SLC24A2: variants seen among roughly 807,000 people sequenced by gnomAD.
SLC24A2 encodes solute carrier family 24 member 2, also known as sodium/potassium/calcium exchanger 2.
A neutral mutation model predicts 62.0 loss-of-function variants in SLC24A2; 36 were observed. The observed-to-expected ratio is 0.58, with a 90% CI of 0.44 to 0.77. The LOEUF (loss-of-function observed/expected upper bound fraction) is 0.77, where lower values mean the gene tolerates loss of function less well. SLC24A2 is among the 30% of genes least tolerant of loss of function. The pLI is 0.00. For synonymous variants in SLC24A2, 358 were observed against 294.0 expected (o/e 1.22, Z -2.23); for missense variants, 846 against 817.9 (o/e 1.03, Z -0.42).
chr9:20,133,331 C>T, the SLC24A2 span, among the ~76,000 whole-genome samples: 2 of 152,172 alleles, frequency 1.3e-5, no homozygotes, highest in East Asian at 3.9e-4. Context: ...TTTGGTATAA[C>T]TGATTCTTTC....
At chr9:19,971,035 A>T in the SLC24A2 span, among the ~76,000 whole-genome samples, 1 of 152,218 alleles carries the variant, frequency 6.6e-6, no homozygotes, top group Non-Finnish European at 1.5e-5. Flanking sequence ...TCAATGGGAT[A>T]CTAACAAATG....
the SLC24A2 span, among the ~76,000 whole-genome samples, chr9:19,943,525 C>T: frequency 6.6e-6 from 1 of 152,226 alleles, no homozygotes; most frequent in East Asian, 1.9e-4. Flanking sequence ...ATATATACTG[C>T]TTTTGAGCCC....
chr9:20,285,098 G>C, the SLC24A2 span, among the ~76,000 whole-genome samples: 1 of 152,268 alleles, frequency 6.6e-6, no homozygotes, highest in Non-Finnish European at 1.5e-5. Context: ...GTGGGCAGGA[G>C]GTGGCACGTC....
At chr9:19,516,498 A>C (rs1008884596) in intron 10 of SLC24A2, 96 bp from the exon 11 acceptor site, 72 of 1,425,784 alleles carry the variant, frequency 5.0e-5, no homozygotes, top group Non-Finnish European at 6.7e-5. Flanking sequence ...TTACCTTCTC[A>C]GGAACTCTAA....
the SLC24A2 span, among the ~76,000 whole-genome samples, chr9:19,798,598 C>CCACACACACA: frequency 3.3e-3 from 485 of 146,546 alleles, 3 homozygotes; most frequent in African/African-American, 0.01. Flanking sequence ...ATCCTTTATA[C>CCACACACACA]CACACACACA....
the SLC24A2 span, among the ~76,000 whole-genome samples, chr9:20,005,293 G>A: frequency 6.6e-6 from 1 of 151,968 alleles, no homozygotes; most frequent in African/African-American, 2.4e-5. Context: ...GCAAGAACTG[G>A]GGCAAAGATG....
chr9:20,008,941 C>G, the SLC24A2 span, among the ~76,000 whole-genome samples: 6 of 152,168 alleles, frequency 3.9e-5, no homozygotes. Context: ...GGCAAGAATA[C>G]CATCCTGAAT....
chr9:19,725,192 C>T (rs774676336), intron 2 of SLC24A2, among the ~76,000 whole-genome samples: 14 of 152,228 alleles, frequency 9.2e-5, no homozygotes, highest in Admixed American at 2.0e-4. Context: ...CCAGAGATAC[C>T]GCTAAAGATC....
the SLC24A2 span, among the ~76,000 whole-genome samples, chr9:20,232,211 C>T: frequency 1.3e-5 from 2 of 152,132 alleles, no homozygotes; most frequent in African/African-American, 4.8e-5. Context: ...TTGGTTGTGT[C>T]TCTGCCAGGC....
the SLC24A2 span, among the ~76,000 whole-genome samples, chr9:20,267,121 C>T: frequency 2.0e-5 from 3 of 150,704 alleles, no homozygotes; most frequent in African/African-American, 4.9e-5. Flanking sequence ...AAACAGAATA[C>T]TTTTGAAACA....
At chr9:20,112,096 A>G in the SLC24A2 span, among the ~76,000 whole-genome samples, 2 of 152,196 alleles carry the variant, frequency 1.3e-5, no homozygotes, top group African/African-American at 4.8e-5. Context: ...ATTGCATAAA[A>G]TTATTGGTAA....
At chr9:20,164,080 T>G in the SLC24A2 span, among the ~76,000 whole-genome samples, 3 of 152,124 alleles carry the variant, frequency 2.0e-5, no homozygotes, top group Admixed American at 6.6e-5. Context: ...GGGCAAGGAC[T>G]TCATGTCTAA....
intron 4 of SLC24A2, among the ~76,000 whole-genome samples, chr9:19,606,547 C>T (rs1391029880): frequency 1.3e-5 from 2 of 152,206 alleles, no homozygotes; most frequent in East Asian, 3.8e-4. Context: ...AGAGTCTTGT[C>T]TACAGTGGGG....
the SLC24A2 span, among the ~76,000 whole-genome samples, chr9:20,289,875 A>AT: frequency 4.6e-3 from 699 of 152,196 alleles, 11 homozygotes; most frequent in African/African-American, 0.016. Context: ...AAAAATTGGA[A>AT]TTTTTTCCTA....
chr9:20,054,012 C>T, the SLC24A2 span, among the ~76,000 whole-genome samples: 1 of 152,150 alleles, frequency 6.6e-6, no homozygotes, highest in Non-Finnish European at 1.5e-5. Context: ...ATGGAATCCC[C>T]AGAGTCTGAG....
At chr9:20,109,487 T>G in the SLC24A2 span, among the ~76,000 whole-genome samples, 2 of 152,184 alleles carry the variant, frequency 1.3e-5, no homozygotes, top group Non-Finnish European at 2.9e-5. Flanking sequence ...CAAGCTTTAG[T>G]ATATGCTAAG....
In SLC24A2 at chr9:19,788,915, G is replaced by C. The variant is rs997132837; in HGVS notation, c.-184C>G. The C allele has an allele frequency of 2.0e-6, 2 of 985,012 alleles. No individual in the cohort carries two copies. Among genetic ancestry groups the C allele is most frequent in the African/African-American group, 3.5e-5 (2 of 57,242 alleles). The allele number at this position is 985,012 out of a possible 1,614,324, so 61.0% of individuals were successfully genotyped here. A position where few individuals can be genotyped will look rare whatever the true frequency, so the allele number is the denominator to read the frequency against. The stretch of plus-strand genomic sequence containing the variant: ...TAAGATGGGAGGACGCGCACACGGC[G>C]GGGCCCCCGAGCGCGGCCCGCCGCT... On this transcript the variant is annotated 5_prime_UTR_variant, in exon 1 of 11. Transcript: ENST00000341998.
chr9:19,918,641 C>T, the SLC24A2 span, among the ~76,000 whole-genome samples: 1 of 152,120 alleles, frequency 6.6e-6, no homozygotes, highest in Non-Finnish European at 1.5e-5. Context: ...TGTGTTTCCC[C>T]AGACTCCAGG....
intron 8 of SLC24A2, among the ~76,000 whole-genome samples, chr9:19,546,899 C>T (rs1478629226): frequency 1.3e-5 from 2 of 152,192 alleles, no homozygotes; most frequent in Non-Finnish European, 2.9e-5. Flanking sequence ...CACTGTTCCT[C>T]ATGGCACAGT....
Sources: gnomAD v4.1 joint callset for allele counts (sites outside exome capture counted in the v4.1 genomes callset) on GRCh38, gnomAD v4.1.1 for gene constraint, MANE v1.5 for transcripts, NCBI Gene and HGNC (gene_info 2026-07-23, HGNC 2026-07-21) for gene names.